PCDHA1: variants seen among roughly 807,000 people sequenced by gnomAD.
The protein encoded by PCDHA1 is protocadherin alpha 1.
Under a neutral mutation model 61.3 loss-of-function variants are expected in PCDHA1, and 42 were observed. That is an observed-to-expected ratio of 0.69 (90% confidence interval 0.54 to 0.89). PCDHA1 has a LOEUF of 0.89. Ranked by LOEUF, PCDHA1 falls within the 40% of genes least tolerant of loss-of-function variation. The probability of loss-of-function intolerance (pLI) is 0.00; values close to 1 mark genes in which losing one functional copy is unlikely to be tolerated. For missense variants in PCDHA1, 1,256 were observed against 1,235.3 expected (o/e 1.02, Z -0.25); for synonymous variants, 610 against 553.8 (o/e 1.10, Z -1.43).
chr5:140,911,502 G>A (rs911736161), intron 1 of PCDHA1, among the ~76,000 whole-genome samples: 4 of 152,104 alleles, frequency 2.6e-5, no homozygotes, highest in Admixed American at 1.3e-4. Flanking sequence ...CAGGTTTGAG[G>A]TTCAGTATCT....
At position 140,850,713 on chromosome 5, in the gene PCDHA1, G is replaced by T. The variant is rs186966305; in HGVS notation, c.2394+62029G>T. 415 of 1,598,196 alleles carry T rather than the reference G, an allele frequency of 2.6e-4. 13 individuals are homozygous for T. The East Asian group carries it at 6.7e-3, about 26-fold the overall frequency. ...GTGCGCGCCTGGCAAGCCGACGCTGGTGTGTTCTAGCGCGGTGGGGAGTTG... is the reference window on the plus strand; with the variant it reads ...GTGCGCGCCTGGCAAGCCGACGCTGTTGTGTTCTAGCGCGGTGGGGAGTTG... On this transcript the variant is annotated intron_variant, in intron 1 of 3. Coordinates refer to ENST00000504120, the MANE Select transcript of PCDHA1 (RefSeq NM_018900.4).
intron 1 of PCDHA1, among the ~76,000 whole-genome samples, chr5:140,918,244 T>A (rs1554198493): frequency 6.6e-6 from 1 of 152,236 alleles, no homozygotes; most frequent in Non-Finnish European, 1.5e-5. Context: ...TGATTTTGTA[T>A]GCTGAAACTT....
intron 1 of PCDHA1, chr5:140,867,456 T>C (rs1035822606): frequency 1.3e-5 from 2 of 152,154 alleles, no homozygotes; most frequent in African/African-American, 4.8e-5. Context: ...AGAGTTCTAG[T>C]GTTATGACAA....
intron 1 of PCDHA1, chr5:140,835,779 G>A (rs1195624528): frequency 1.2e-6 from 2 of 1,613,242 alleles, no homozygotes; most frequent in African/African-American, 1.3e-5. Context: ...GTTCGTGAAG[G>A]AGAACAACCC....
chr5:140,882,209 A>T, intron 1 of PCDHA1: 1 of 1,531,724 alleles, frequency 6.5e-7, no homozygotes, highest in Non-Finnish European at 8.8e-7. Context: ...GCCTTGAGAG[A>T]CAGTTTGAGG....
intron 3 of PCDHA1, among the ~76,000 whole-genome samples, chr5:141,007,673 A>C (rs2098339698): frequency 6.6e-6 from 1 of 152,136 alleles, no homozygotes; most frequent in African/African-American, 2.4e-5. Flanking sequence ...ACAAAGACAA[A>C]AGTTATCCTA....
rs2150351247 is a variant in PCDHA1, at chr5:140,843,055, C to T, written c.2394+54371C>T. The stretch of plus-strand genomic sequence containing the variant: ...TGGGTGGCACTGGTGGCGCAGCGAG[C>T]AAGCTGGTGCCGCGGTCTGTGGGCG... On this transcript the variant is annotated intron_variant, in intron 1 of 3. Coordinates refer to ENST00000504120, the MANE Select transcript of PCDHA1 (RefSeq NM_018900.4). 5 of 1,595,064 alleles carry T rather than the reference C, an allele frequency of 3.1e-6. 1 individual carries two copies. Among genetic ancestry groups the T allele is most frequent in the Non-Finnish European group, 4.3e-6 (5 of 1,165,218 alleles).
chr5:140,875,864 C>G (rs781972677), intron 1 of PCDHA1: 2 of 1,614,168 alleles, frequency 1.2e-6, no homozygotes, highest in South Asian at 1.1e-5. Context: ...GACAACCCGC[C>G]GGTGTTCAGA....
chr5:140,795,035 G>C (rs1281191089), intron 1 of PCDHA1: 1 of 1,613,856 alleles, frequency 6.2e-7, no homozygotes, highest in Non-Finnish European at 8.5e-7. Flanking sequence ...CTCGCAGCCT[G>C]GGAGGTGGGG....
chr5:140,797,564 G>T, intron 1 of PCDHA1: 1 of 680,588 alleles, frequency 1.5e-6, no homozygotes, highest in East Asian at 2.8e-5. Flanking sequence ...TTTACATTTT[G>T]GCACTTCCAT....
At chr5:140,884,439 C>T (rs1554181562) in intron 1 of PCDHA1, 1 of 1,613,818 alleles carries the variant, frequency 6.2e-7, no homozygotes, top group Non-Finnish European at 8.5e-7. Flanking sequence ...CTGCGGTGCT[C>T]GGCACCGCCC....
At chr5:140,943,927 A>G (rs1407165466) in intron 1 of PCDHA1, among the ~76,000 whole-genome samples, 2 of 152,236 alleles carry the variant, frequency 1.3e-5, no homozygotes, top group East Asian at 1.9e-4. Flanking sequence ...GAGCAGCTTT[A>G]GAAGTGTGGT....
chr5:140,792,111 G>A (rs746583910), intron 1 of PCDHA1, among the ~76,000 whole-genome samples: 5 of 152,106 alleles, frequency 3.3e-5, no homozygotes, highest in East Asian at 1.9e-4. Flanking sequence ...TTCCTGGGCC[G>A]CATTTCTTCT....
At chr5:140,890,968 T>C (rs559851253) in intron 1 of PCDHA1, among the ~76,000 whole-genome samples, 7 of 152,190 alleles carry the variant, frequency 4.6e-5, no homozygotes, top group African/African-American at 7.2e-5. Flanking sequence ...AGGTTTTGTT[T>C]TTCTGAAAAT....
intron 1 of PCDHA1, chr5:140,796,094 G>C (rs782512919): frequency 1.2e-5 from 19 of 1,614,040 alleles, no homozygotes; most frequent in Non-Finnish European, 1.6e-5. Flanking sequence ...GTGTCGGATC[G>C]CGACTCTGGT....
At chr5:140,998,977 ATAG>A (rs2097842205) in intron 3 of PCDHA1, among the ~76,000 whole-genome samples, 1 of 152,242 alleles carries the variant, frequency 6.6e-6, no homozygotes, top group African/African-American at 2.4e-5. Flanking sequence ...ATCCTAGAAA[ATAG>A]TAGAAAGCAG....
intron 3 of PCDHA1, among the ~76,000 whole-genome samples, chr5:141,004,400 G>A (rs183932833): frequency 7.4e-4 from 113 of 152,304 alleles, no homozygotes; most frequent in African/African-American, 2.7e-3. Flanking sequence ...TGTGGAGGAG[G>A]CACCTGACTA....
At chr5:140,965,402 G>A (rs1554227671) in intron 1 of PCDHA1, among the ~76,000 whole-genome samples, 1 of 152,112 alleles carries the variant, frequency 6.6e-6, no homozygotes, top group Non-Finnish European at 1.5e-5. Context: ...AGTCTAAGGA[G>A]TCTTATATTT....
Position 140,884,639 on chromosome 5 carries a change from G to A in PCDHA1, c.2395-94310G>A, listed in dbSNP as rs781835096. ...TGCAGAGGGAACAGGCCAGAGGGAG[G>A]AGGACTCAGAATGCTTGAAAGAGGT... On this transcript the variant is annotated intron_variant, in intron 1 of 3. Coordinates refer to ENST00000504120, the MANE Select transcript of PCDHA1 (RefSeq NM_018900.4). 55 of 1,610,606 alleles carry A rather than the reference G, an allele frequency of 3.4e-5. No homozygotes were observed. The South Asian group carries it at 5.6e-4, about 16-fold the overall frequency.
Sources: gnomAD v4.1 joint callset for allele counts (sites outside exome capture counted in the v4.1 genomes callset) on GRCh38, gnomAD v4.1.1 for gene constraint, MANE v1.5 for transcripts, NCBI Gene and HGNC (gene_info 2026-07-23, HGNC 2026-07-21) for gene names.